DCP2: variants seen among roughly 807,000 people sequenced by gnomAD.
DCP2 encodes m7GpppN-mRNA hydrolase.
In DCP2, 30 loss-of-function variants were observed where a neutral mutation model predicts 56.1. The ratio of observed to expected loss-of-function variants is 0.53; its 90% confidence interval spans 0.40 to 0.73. DCP2 has a LOEUF of 0.73. Ranked by LOEUF, DCP2 falls within the 30% of genes least tolerant of loss-of-function variation. The pLI, the probability that DCP2 is intolerant of heterozygous loss-of-function variation, is 0.00. For missense variants in DCP2, 533 were observed against 502.7 expected, an observed-to-expected ratio of 1.06 and a Z score of -0.58; for synonymous variants, 197 against 163.3, an observed-to-expected ratio of 1.21 and a Z score of -1.57.
intron 4 of DCP2, among the ~76,000 whole-genome samples, chr5:112,998,895 A>G (rs564859433): frequency 6.6e-6 from 1 of 152,312 alleles, no homozygotes; most frequent in African/African-American, 2.4e-5. Context: ...GGAATGTAAC[A>G]TTGATATGGT....
At chr5:113,002,831 A>G (rs1440787721) in intron 7 of DCP2, among the ~76,000 whole-genome samples, 1 of 152,178 alleles carries the variant, frequency 6.6e-6, no homozygotes, top group African/African-American at 2.4e-5. Flanking sequence ...CCTCTGGCTT[A>G]CAACTTAATT....
At chr5:113,006,657 C>T (rs1749451589) in intron 8 of DCP2, among the ~76,000 whole-genome samples, 1 of 151,906 alleles carries the variant, frequency 6.6e-6, no homozygotes, top group African/African-American at 2.4e-5. Flanking sequence ...CCTATTTATT[C>T]TATTTTAGCC....
At chr5:112,980,495 A>G (rs916077913) in intron 1 of DCP2, among the ~76,000 whole-genome samples, 9 of 152,246 alleles carry the variant, frequency 5.9e-5, no homozygotes, top group Admixed American at 3.9e-4. Flanking sequence ...CGTGTGATGC[A>G]GTTTTTTCCG....
chr5:112,984,703 A>AAATATAT, intron 1 of DCP2: 10 of 64,854 alleles, frequency 1.5e-4, no homozygotes, highest in South Asian at 1.0e-3. Context: ...AAAAAAAAAA[A>AAATATAT]ATATATATAT....
At chr5:112,986,896 G>A (rs1442130025) in intron 2 of DCP2, among the ~76,000 whole-genome samples, 3 of 152,102 alleles carry the variant, frequency 2.0e-5, no homozygotes, top group East Asian at 3.9e-4. Context: ...CCATCTGCTC[G>A]GGAGGCTGAG....
chr5:112,993,226 CTCTG>C (rs1748677775), intron 4 of DCP2, among the ~76,000 whole-genome samples: 3 of 152,176 alleles, frequency 2.0e-5, no homozygotes, highest in African/African-American at 7.2e-5. Flanking sequence ...AGTATTTAAA[CTCTG>C]TCCCCTCTCC....
At chr5:112,984,950 G>T (rs1748202723) in intron 1 of DCP2, among the ~76,000 whole-genome samples, 1 of 151,542 alleles carries the variant, frequency 6.6e-6, no homozygotes, top group Non-Finnish European at 1.5e-5. Flanking sequence ...CTTGGAAACA[G>T]CCAAGAATTA....
intron 1 of DCP2, among the ~76,000 whole-genome samples, chr5:112,981,020 G>A (rs941457180): frequency 4.2e-5 from 6 of 143,026 alleles, no homozygotes; most frequent in Admixed American, 2.1e-4. Flanking sequence ...TTACCTTTGT[G>A]ACTTTATGAT....
Position 113,018,755 on chromosome 5 carries a change from C to G in DCP2, c.*5271C>G, listed in dbSNP as rs891134575. 6.6e-6 allele frequency: 1 copy of G among 152,134 alleles called. No homozygotes were observed. The highest frequency in any genetic ancestry group is 1.5e-5 in the Non-Finnish European group (1 of 68,028). The allele number at this position is 152,134 out of a possible 1,614,324, so 9.4% of individuals were successfully genotyped here. A position where few individuals can be genotyped will look rare whatever the true frequency, so the allele number is the denominator to read the frequency against. On this transcript the variant is annotated 3_prime_UTR_variant, in exon 11 of 11. Coordinates refer to ENST00000389063, the MANE Select transcript of DCP2 (RefSeq NM_152624.6). ...TGGTGTGACTGGCCAGGAAAAAGTC[C>G]ATTGAGTCCTTTTTTTCTCCCTGGT...
chr5:113,012,246 G>C (rs1749706218), intron 10 of DCP2, among the ~76,000 whole-genome samples: 1 of 152,152 alleles, frequency 6.6e-6, no homozygotes, highest in African/African-American at 2.4e-5. Context: ...TGTAGTCCCA[G>C]CTACTTAAGA....
intron 4 of DCP2, among the ~76,000 whole-genome samples, chr5:112,994,627 C>T (rs1748764923): frequency 6.6e-6 from 1 of 152,042 alleles, no homozygotes; most frequent in Non-Finnish European, 1.5e-5. Flanking sequence ...TATTTCTTAC[C>T]ATTTATCACA....
rs780358539 is a variant in DCP2 at position 112,992,770 on chromosome 5, G to A, written c.432G>A (p.Glu144=). The change falls in exon 4 of 11, where the codon GAG becomes GAA. Residue 144 remains glutamate, a splice_region_variant and synonymous_variant. Coordinates refer to ENST00000389063, the MANE Select transcript of DCP2 (RefSeq NM_152624.6). ...EEAPHDCAAR[E]VFEETGFDIK... ...CTCCTCATGATTGTGCTGCTAGAGAGGTAAGTTATTCCATTTTGATACACA... is the reference window on the plus strand; with the variant it reads ...CTCCTCATGATTGTGCTGCTAGAGAAGTAAGTTATTCCATTTTGATACACA... 4 of 1,563,626 alleles carry A rather than the reference G, an allele frequency of 2.6e-6. No individual in the cohort carries two copies. The highest frequency in any genetic ancestry group is 2.2e-5 in the Admixed American group (1 of 44,632).
intron 10 of DCP2, 115 bp downstream of exon 10, chr5:113,010,922 A>G (rs1454616220): frequency 1.2e-5 from 13 of 1,104,528 alleles, no homozygotes; most frequent in African/African-American, 6.4e-5. Context: ...GAAGAGTTGC[A>G]TATGTTCTGT....
chr5:112,983,198 A>G (rs1393086411), intron 1 of DCP2, among the ~76,000 whole-genome samples: 1 of 152,216 alleles, frequency 6.6e-6, no homozygotes, highest in Non-Finnish European at 1.5e-5. Context: ...TCTTCAAGTA[A>G]GACAAACACA....
At chr5:112,979,635 G>A (rs1412844033) in intron 1 of DCP2, among the ~76,000 whole-genome samples, 1 of 152,096 alleles carries the variant, frequency 6.6e-6, no homozygotes, top group Non-Finnish European at 1.5e-5. Context: ...GTTAAATCTT[G>A]CCTTTTGATG....
At chr5:113,012,800 T>C (rs551395588) in intron 10 of DCP2, among the ~76,000 whole-genome samples, 4 of 152,190 alleles carry the variant, frequency 2.6e-5, no homozygotes, top group Middle Eastern at 3.4e-3. Flanking sequence ...TGTGCCACCA[T>C]GCCTGGCTAA....
In DCP2 at chr5:113,001,132, G is replaced by A. The variant is rs961346675; in HGVS notation, c.481G>A (p.Asp161Asn). The change falls in exon 5 of 11, where the codon GAT becomes AAT. Residue 161 changes from aspartate to asparagine, a missense_variant. By Grantham distance (23) the Asp-to-Asn change is conservative. This residue lies in a region of DCP2 where 392 missense variants were observed against 346.6 expected (regional missense o/e 1.13). Coordinates refer to ENST00000389063, the MANE Select transcript of DCP2 (RefSeq NM_152624.6). ...FDIKDYICKD[D>N]YIELRINDQL... ...TATCAAAGACTATATTTGTAAGGATGATTACATTGAACTTCGAATCAATGA... is the reference window on the plus strand; with the variant it reads ...TATCAAAGACTATATTTGTAAGGATAATTACATTGAACTTCGAATCAATGA... 1 of 1,613,678 alleles carries A rather than the reference G, an allele frequency of 6.2e-7. No individual in the cohort carries two copies. The highest frequency in any genetic ancestry group is 8.5e-7 in the Non-Finnish European group (1 of 1,179,904).
intron 4 of DCP2, among the ~76,000 whole-genome samples, chr5:112,994,171 T>C (rs1438568525): frequency 2.1e-5 from 3 of 144,348 alleles, no homozygotes; most frequent in East Asian, 3.9e-4. Context: ...TTCTTTTTTT[T>C]TTTTTTTTTT....
In DCP2 at chr5:113,017,404, A is replaced by G. The variant is rs1749933523; in HGVS notation, c.*3920A>G. 1 of 152,208 alleles carries G rather than the reference A, an allele frequency of 6.6e-6. No individual in the cohort carries two copies. The highest frequency in any genetic ancestry group is 2.1e-4 in the South Asian group (1 of 4,832). The allele number at this position is 152,208 out of a possible 1,614,324, so 9.4% of individuals were successfully genotyped here. A position where few individuals can be genotyped will look rare whatever the true frequency, so the allele number is the denominator to read the frequency against. ...AACAGTACTCCTGACAGCTTGGTAA[A>G]GTCTAGGTAGAGTTTCTGATTTTGT... On this transcript the variant is annotated 3_prime_UTR_variant, in exon 11 of 11. Transcript: ENST00000389063.
Sources: allele counts gnomAD v4.1 joint callset (sites outside exome capture counted in the v4.1 genomes callset), GRCh38; gene constraint gnomAD v4.1.1; regional missense constraint gnomAD v4.1.1; transcripts MANE v1.5; gene names NCBI Gene and HGNC (gene_info 2026-07-23, HGNC 2026-07-21).